The following TMEM114 variants were observed in gnomAD, a reference collection of about 807,000 sequenced individuals.
TMEM114 encodes claudin-26.
Under a neutral mutation model 6.2 loss-of-function variants are expected in TMEM114, and 6 were observed. That is an observed-to-expected ratio of 0.97 (90% CI 0.53 to 1.91). TMEM114 has a LOEUF of 1.91. TMEM114 is among the 40% of genes most tolerant of loss of function. The pLI is 0.01. For missense variants in TMEM114, 218 were observed against 158.3 expected, an observed-to-expected ratio of 1.38 and a Z score of -2.02; for synonymous variants, 104 against 73.0, an observed-to-expected ratio of 1.42 and a Z score of -2.16.
chr16:8,565,812 G>T (rs1406824234), downstream of TMEM114, among the ~76,000 whole-genome samples: 1 of 152,120 alleles, frequency 6.6e-6, no homozygotes. Context: ...CGCCCTCGAG[G>T]GTCTGATTGC....
chr16:8,542,144 G>GT (rs201803683), intron 2 of TMEM114, among the ~76,000 whole-genome samples: 21 of 147,062 alleles, frequency 1.4e-4, no homozygotes, highest in Admixed American at 6.1e-4. Context: ...ATGATTCGTG[G>GT]GGGGGGGTCC....
At chr16:8,578,891 A>T (rs1384303372) in intron 2 of TMEM114, among the ~76,000 whole-genome samples, 1 of 152,176 alleles carries the variant, frequency 6.6e-6, no homozygotes, top group Non-Finnish European at 1.5e-5. Flanking sequence ...AGGCAGGAGA[A>T]TCGCTTGAAC....
At chr16:8,561,985 T>C (rs1489599677) in intron 2 of TMEM114, among the ~76,000 whole-genome samples, 1 of 150,150 alleles carries the variant, frequency 6.7e-6, no homozygotes, top group Non-Finnish European at 1.5e-5. Context: ...AGTGAATGAG[T>C]GAGTATATGA....
At chr16:8,533,265 C>T (rs1900266638), downstream of TMEM114, among the ~76,000 whole-genome samples, 1 of 152,184 alleles carries the variant, frequency 6.6e-6, no homozygotes, top group African/African-American at 2.4e-5. Context: ...TATCCTCAGA[C>T]ATTTGATAGA....
downstream of TMEM114, chr16:8,569,413 C>T (rs1026199051): frequency 1.1e-5 from 12 of 1,071,712 alleles, no homozygotes; most frequent in Non-Finnish European, 1.2e-5. Flanking sequence ...TTCCCAGACC[C>T]ACCAAGGAGC....
downstream of TMEM114, among the ~76,000 whole-genome samples, chr16:8,565,662 T>C (rs1299147268): frequency 6.6e-6 from 1 of 152,180 alleles, no homozygotes; most frequent in Non-Finnish European, 1.5e-5. Flanking sequence ...GGCCCCTCCC[T>C]GTACTTCCTG....
chr16:8,539,392 C>T (rs942726003), intron 2 of TMEM114, among the ~76,000 whole-genome samples: 2 of 152,150 alleles, frequency 1.3e-5, no homozygotes, highest in African/African-American at 4.8e-5. Context: ...TTGCCCCTGG[C>T]CCGAGTGACT....
intron 2 of TMEM114, among the ~76,000 whole-genome samples, chr16:8,560,901 C>G (rs1294900736): frequency 6.6e-6 from 1 of 152,192 alleles, no homozygotes; most frequent in Admixed American, 6.5e-5. Context: ...ATTTAATGGA[C>G]TCACAGTTCC....
chr16:8,577,896 G>A (rs934094887), intron 2 of TMEM114, among the ~76,000 whole-genome samples: 5 of 152,132 alleles, frequency 3.3e-5, no homozygotes, highest in East Asian at 1.9e-4. Flanking sequence ...CAAAAGCACT[G>A]AACTCAATCC....
chr16:8,569,158 A>T (rs571771561), downstream of TMEM114, among the ~76,000 whole-genome samples: 1 of 152,324 alleles, frequency 6.6e-6, no homozygotes, highest in South Asian at 2.1e-4. Context: ...GCAGAACACC[A>T]GGATGAAAGG....
downstream of TMEM114, among the ~76,000 whole-genome samples, chr16:8,534,489 G>A (rs906213848): frequency 2.0e-5 from 3 of 152,184 alleles, no homozygotes; most frequent in Non-Finnish European, 4.4e-5. Flanking sequence ...TCTGCTGGGA[G>A]GGTCTCTCCA....
chr16:8,550,881 C>A (rs1462231513), intron 2 of TMEM114, among the ~76,000 whole-genome samples: 2 of 152,162 alleles, frequency 1.3e-5, no homozygotes, highest in African/African-American at 4.8e-5. Flanking sequence ...ACATCCACTG[C>A]TCTCCTCCTG....
chr16:8,572,927 G>C (rs888401848), intron 2 of TMEM114, among the ~76,000 whole-genome samples: 31 of 152,308 alleles, frequency 2.0e-4, no homozygotes, highest in African/African-American at 7.2e-4. Flanking sequence ...CCTTAGCATG[G>C]CATTTTGGGG....
rs146409220 is a variant in TMEM114 at position 8,556,089 on chromosome 16, A to T, written n.213-18263T>A. On this transcript the variant is annotated intron_variant and non_coding_transcript_variant, in intron 2 of 2. Transcript: ENST00000623677. ...ATAATACCATCCATACTCATATTTC[A>T]TCTGAGAACCCGGTCTCTTCTTCCT... is the stretch of plus-strand genomic sequence containing the variant. 3.9e-4 allele frequency among the ~76,000 whole-genome samples: 60 copies of T among 152,216 alleles called. No individual in the cohort carries two copies. The East Asian group carries it at 0.01, about 25-fold the overall frequency.
At chr16:8,570,115 C>A in intron 3 of TMEM114, 110 bp from the exon 4 acceptor site, 1 of 1,398,144 alleles carries the variant, frequency 7.2e-7, no homozygotes, top group Non-Finnish European at 9.6e-7. Flanking sequence ...CGTCCTCGCT[C>A]CTTCCTGCTG....
intron 2 of TMEM114, among the ~76,000 whole-genome samples, chr16:8,555,082 G>A (rs938636417): frequency 2.0e-5 from 3 of 152,172 alleles, no homozygotes; most frequent in African/African-American, 7.2e-5. Flanking sequence ...CTCCTTCACA[G>A]TAACCTTTGT....
chr16:8,568,548 A>G (rs533373440), downstream of TMEM114, among the ~76,000 whole-genome samples: 4 of 152,330 alleles, frequency 2.6e-5, no homozygotes, highest in South Asian at 8.3e-4. Flanking sequence ...GTCAGCTATG[A>G]TGATGACAGT....
chr16:8,532,261 A>C, the TMEM114 span, among the ~76,000 whole-genome samples: 1 of 152,206 alleles, frequency 6.6e-6, no homozygotes, highest in East Asian at 1.9e-4. Context: ...TAACTCCTAG[A>C]GTCAAAAGTC....
At chr16:8,570,966 C>T (rs4984994) in intron 3 of TMEM114, among the ~76,000 whole-genome samples, 13,774 of 152,180 alleles carry the variant, frequency 0.091, 761 homozygotes, top group Middle Eastern at 0.19. Flanking sequence ...GTGCTGGTTT[C>T]GAGAATTTGT....
Sources: allele counts gnomAD v4.1 joint callset (sites outside exome capture counted in the v4.1 genomes callset), GRCh38; gene constraint gnomAD v4.1.1; transcripts MANE v1.5; gene names NCBI Gene and HGNC (gene_info 2026-07-23, HGNC 2026-07-21).